The following ATG10 variants were observed in gnomAD, a reference collection of about 807,000 sequenced individuals.
ATG10 encodes ubiquitin-like-conjugating enzyme ATG10.
In ATG10, 30 loss-of-function variants were observed where a neutral mutation model predicts 32.1. The observed-to-expected ratio is 0.94, with a 90% CI of 0.70 to 1.27. ATG10 has a LOEUF of 1.27. Among genes scored for constraint, ATG10 ranks in the 50% most tolerant of loss-of-function variants. The probability of loss-of-function intolerance (pLI) is 0.00; values close to 1 mark genes in which losing one functional copy is unlikely to be tolerated. For synonymous variants in ATG10, 87 were observed against 91.5 expected (o/e 0.95, Z 0.28); for missense variants, 233 against 262.3 (o/e 0.89, Z 0.77).
At chr5:82,121,945 T>G (rs1036449790) in intron 3 of ATG10, among the ~76,000 whole-genome samples, 8 of 150,762 alleles carry the variant, frequency 5.3e-5, no homozygotes, top group Non-Finnish European at 7.4e-5. Flanking sequence ...CCTGAAGTTT[T>G]TTTTTTTTTT....
chr5:82,028,396 CAAAT>C (rs779996514), intron 2 of ATG10, among the ~76,000 whole-genome samples: 3 of 152,054 alleles, frequency 2.0e-5, no homozygotes, highest in Non-Finnish European at 4.4e-5. Flanking sequence ...TACTTTGAAA[CAAAT>C]AAAGTATGGA....
chr5:82,026,504 T>C lies in ATG10; in HGVS notation c.109-31991T>C, dbSNP rs186485476. On this transcript the variant is annotated intron_variant, in intron 2 of 7. Coordinates refer to ENST00000282185, the MANE Select transcript of ATG10 (RefSeq NM_031482.5). ...TATAGTTTTGCTGACTTAGAACATA[T>C]GTATAATTATTTTTATTGCTTTTAT... is the stretch of plus-strand genomic sequence containing the variant. 1.6e-3 allele frequency among the ~76,000 whole-genome samples: 241 copies of C among 152,316 alleles called. 1 individual carries two copies. Among genetic ancestry groups the C allele is most frequent in the African/African-American group, 5.4e-3 (225 of 41,578 alleles).
intron 2 of ATG10, among the ~76,000 whole-genome samples, chr5:82,031,262 G>A (rs1488674815): frequency 2.6e-5 from 4 of 152,178 alleles, no homozygotes; most frequent in South Asian, 2.1e-4. Context: ...TTAGATATTC[G>A]AAGGACTGTG....
chr5:82,187,032 G>C (rs1217599342), intron 5 of ATG10, among the ~76,000 whole-genome samples: 2 of 152,074 alleles, frequency 1.3e-5, no homozygotes, highest in East Asian at 3.9e-4. Context: ...GAATGGCCAG[G>C]CATGGTGGCT....
chr5:82,121,670 G>T (rs1256693671), intron 3 of ATG10, among the ~76,000 whole-genome samples: 2 of 152,162 alleles, frequency 1.3e-5, no homozygotes, highest in East Asian at 3.8e-4. Flanking sequence ...TTTTAAACAT[G>T]AAGGGATGTT....
chr5:82,176,366 C>T lies in ATG10; in HGVS notation c.356-2124C>T, dbSNP rs143179316. Among the ~76,000 whole-genome samples the T allele has an allele frequency of 2.2e-4, 34 of 152,290 alleles. 1 individual carries two copies. Among genetic ancestry groups the T allele is most frequent in the Non-Finnish European group, 3.4e-4 (23 of 68,020 alleles). ...GCATACTTTTGGCAGATACATATTTCGTAAGACCTTGGCTGCCCTATTTAT... is the reference window on the plus strand; with the variant it reads ...GCATACTTTTGGCAGATACATATTTTGTAAGACCTTGGCTGCCCTATTTAT... On this transcript the variant is annotated intron_variant, in intron 4 of 7. Coordinates refer to ENST00000282185, the MANE Select transcript of ATG10 (RefSeq NM_031482.5).
At chr5:82,170,889 G>T (rs1743782722) in intron 4 of ATG10, among the ~76,000 whole-genome samples, 1 of 152,088 alleles carries the variant, frequency 6.6e-6, no homozygotes, top group African/African-American at 2.4e-5. Context: ...GGAGCTTGCA[G>T]TGAGCCGAGA....
chr5:82,058,729 A>C (rs1763680091), intron 3 of ATG10, 127 bp downstream of exon 3: 1 of 572,376 alleles, frequency 1.7e-6, no homozygotes. Flanking sequence ...CTCATATTGA[A>C]ATAAAATACT....
intron 3 of ATG10, among the ~76,000 whole-genome samples, chr5:82,164,005 T>C (rs1743475392): frequency 6.6e-6 from 1 of 152,226 alleles, no homozygotes; most frequent in African/African-American, 2.4e-5. Context: ...TAGGGACATT[T>C]CACAGCCTCT....
chr5:82,020,922 A>G (rs1762415886), intron 2 of ATG10, among the ~76,000 whole-genome samples: 1 of 152,150 alleles, frequency 6.6e-6, no homozygotes, highest in African/African-American at 2.4e-5. Flanking sequence ...TGTTAAGGAC[A>G]ATTACTGGAA....
chr5:82,017,262 T>C (rs1026304345), intron 2 of ATG10, among the ~76,000 whole-genome samples: 1 of 152,144 alleles, frequency 6.6e-6, no homozygotes, highest in Non-Finnish European at 1.5e-5. Flanking sequence ...TATGTTGATT[T>C]TGTATCCTGA....
chr5:82,107,618 C>G (rs143832794), intron 3 of ATG10, among the ~76,000 whole-genome samples: 194 of 152,092 alleles, frequency 1.3e-3, no homozygotes, highest in African/African-American at 4.3e-3. Flanking sequence ...GTTTTAACTT[C>G]TCTGAAATTA....
intron 2 of ATG10, among the ~76,000 whole-genome samples, chr5:82,002,750 A>G (rs1388633400): frequency 6.6e-6 from 1 of 151,960 alleles, no homozygotes; most frequent in Non-Finnish European, 1.5e-5. Context: ...GTGACATGCT[A>G]TTTACTTATA....
chr5:82,033,148 A>T (rs769550825), intron 2 of ATG10, among the ~76,000 whole-genome samples: 24 of 152,208 alleles, frequency 1.6e-4, no homozygotes, highest in Non-Finnish European at 3.2e-4. Context: ...TAATATAAAC[A>T]TTCCCTTATT....
chr5:81,998,217 G>A (rs1356273572), intron 2 of ATG10, among the ~76,000 whole-genome samples: 2 of 152,300 alleles, frequency 1.3e-5, no homozygotes, highest in Non-Finnish European at 2.9e-5. Context: ...AGCCAGAGGA[G>A]TTTGAGGGCC....
At chr5:82,158,526 G>T (rs920888679) in intron 3 of ATG10, among the ~76,000 whole-genome samples, 1 of 151,980 alleles carries the variant, frequency 6.6e-6, no homozygotes, top group African/African-American at 2.4e-5. Flanking sequence ...ATTGTATTAA[G>T]TATGATAAGT....
intron 1 of ATG10, among the ~76,000 whole-genome samples, chr5:81,973,973 C>T (rs1300351230): frequency 1.3e-5 from 2 of 152,144 alleles, no homozygotes; most frequent in Non-Finnish European, 2.9e-5. Flanking sequence ...GATTTTGGTA[C>T]ATGGTGGGCC....
intron 3 of ATG10, among the ~76,000 whole-genome samples, chr5:82,119,884 A>G (rs1021697511): frequency 2.6e-5 from 4 of 152,216 alleles, no homozygotes; most frequent in African/African-American, 4.8e-5. Flanking sequence ...TTCAAACAGC[A>G]AGAAAGAACT....
chr5:82,035,857 C>T (rs1414055558), intron 2 of ATG10, among the ~76,000 whole-genome samples: 1 of 150,744 alleles, frequency 6.6e-6, no homozygotes, highest in Non-Finnish European at 1.5e-5. Context: ...ATATTTTCCC[C>T]AGTCTGTCAC....
Sources: gnomAD v4.1 joint callset for allele counts (sites outside exome capture counted in the v4.1 genomes callset) on GRCh38, gnomAD v4.1.1 for gene constraint, MANE v1.5 for transcripts, NCBI Gene and HGNC (gene_info 2026-07-23, HGNC 2026-07-21) for gene names.